RNF144A: variants seen among roughly 807,000 people sequenced by gnomAD.
RNF144A encodes the protein ring finger protein 144A.
Under a neutral mutation model 38.7 loss-of-function variants are expected in RNF144A, and 11 were observed. The observed-to-expected ratio is 0.28, with a 90% CI of 0.18 to 0.47. The LOEUF is 0.47. Among genes scored for constraint, RNF144A ranks in the 20% least tolerant of loss-of-function variants. The probability of loss-of-function intolerance (pLI) is 0.99; values close to 1 mark genes in which losing one functional copy is unlikely to be tolerated. For synonymous variants in RNF144A, 149 were observed against 143.9 expected (o/e 1.04, Z -0.25); for missense variants, 316 against 377.2 (o/e 0.84, Z 1.34).
intron 2 of RNF144A, among the ~76,000 whole-genome samples, chr2:6,973,851 C>T (rs1291569439): frequency 7.2e-5 from 11 of 152,342 alleles, no homozygotes; most frequent in Admixed American, 4.6e-4. Context: ...CTGGCTGCTT[C>T]GTGCTCCAGC....
chr2:6,953,757 A>G (rs780285659), intron 2 of RNF144A, among the ~76,000 whole-genome samples: 1 of 152,176 alleles, frequency 6.6e-6, no homozygotes, highest in African/African-American at 2.4e-5. Context: ...AATCTATTAC[A>G]TCAAGATTGT....
chr2:6,991,751 GTC>G (rs998957554), intron 2 of RNF144A, among the ~76,000 whole-genome samples: 11 of 151,846 alleles, frequency 7.2e-5, no homozygotes, highest in Non-Finnish European at 1.5e-4. Context: ...ACATTTAACA[GTC>G]TCTCTCTCTC....
chr2:6,973,836 C>T (rs1052027671), intron 2 of RNF144A, among the ~76,000 whole-genome samples: 8 of 152,228 alleles, frequency 5.3e-5, no homozygotes, highest in African/African-American at 1.9e-4. Context: ...GCTTACGTGC[C>T]GTCTCTGGCT....
At chr2:7,060,872 C>T (rs1010897817) in intron 6 of RNF144A, among the ~76,000 whole-genome samples, 1 of 152,134 alleles carries the variant, frequency 6.6e-6, no homozygotes, top group Non-Finnish European at 1.5e-5. Flanking sequence ...ATCAGCATGC[C>T]GGCACTTGTG....
At chr2:7,034,914 G>A (rs980178703) in intron 8 of RNF144A, among the ~76,000 whole-genome samples, 1 of 152,174 alleles carries the variant, frequency 6.6e-6, no homozygotes, top group Non-Finnish European at 1.5e-5. Context: ...GCCTTGGAGA[G>A]GGTGTGGTGT....
At position 7,034,251 on chromosome 2, in the gene RNF144A, G is replaced by A. The variant is rs893040011; in HGVS notation, c.747+4036G>A. The stretch of plus-strand genomic sequence containing the variant: ...CGTGCCACTGCACTCCAGCCTGGGC[G>A]ACAGAGCAAGACTCTGTCTCAAAAA... On this transcript the variant is annotated intron_variant, in intron 8 of 8. Coordinates refer to ENST00000320892, the MANE Select transcript of RNF144A (RefSeq NM_014746.6). 2.0e-5 allele frequency among the ~76,000 whole-genome samples: 3 copies of A among 150,936 alleles called. No homozygotes were observed. In the East Asian group the frequency reaches 5.8e-4, roughly 29 times the overall value.
chr2:6,970,267 C>T (rs2103345418), intron 2 of RNF144A, among the ~76,000 whole-genome samples: 1 of 152,272 alleles, frequency 6.6e-6, no homozygotes, highest in South Asian at 2.1e-4. Flanking sequence ...CTTTCCCATG[C>T]TGTTATCGTG....
chr2:6,981,128 C>T (rs1381774595), intron 2 of RNF144A, among the ~76,000 whole-genome samples: 1 of 152,178 alleles, frequency 6.6e-6, no homozygotes, highest in African/African-American at 2.4e-5. Flanking sequence ...TTTCCTTCTA[C>T]ACCTCCAGGC....
At chr2:7,036,055 G>A (rs757684470) in intron 8 of RNF144A, among the ~76,000 whole-genome samples, 13 of 152,222 alleles carry the variant, frequency 8.5e-5, no homozygotes, top group Non-Finnish European at 1.8e-4. Context: ...GCGGTTGCTG[G>A]AGTGAGTGTG....
intron 6 of RNF144A, among the ~76,000 whole-genome samples, chr2:7,067,511 G>C (rs1463707256): frequency 6.6e-6 from 1 of 152,058 alleles, no homozygotes. Context: ...TGCCCTCTGG[G>C]CTCAGAAACT....
chr2:7,001,493 A>G (rs1464219269), intron 3 of RNF144A, among the ~76,000 whole-genome samples: 4 of 152,090 alleles, frequency 2.6e-5, no homozygotes, highest in Non-Finnish European at 5.9e-5. Flanking sequence ...CCTGGGCAAC[A>G]TAGTGAGACC....
intron 1 of RNF144A, among the ~76,000 whole-genome samples, chr2:6,934,404 A>G (rs1439948232): frequency 6.6e-6 from 1 of 152,130 alleles, no homozygotes; most frequent in Admixed American, 6.5e-5. Flanking sequence ...TCTTCATTAC[A>G]TGTAATGAGA....
At chr2:6,997,694 C>T (rs1669843734) in intron 3 of RNF144A, among the ~76,000 whole-genome samples, 1 of 152,056 alleles carries the variant, frequency 6.6e-6, no homozygotes. Context: ...TAGTTAATCT[C>T]ATTGAATTTT....
At chr2:6,932,278 C>T (rs985052301) in intron 1 of RNF144A, among the ~76,000 whole-genome samples, 5 of 152,070 alleles carry the variant, frequency 3.3e-5, no homozygotes, top group African/African-American at 1.2e-4. Flanking sequence ...TTTTTCCATC[C>T]CTTTATTTTT....
chr2:7,072,386 G>A (rs966203490), downstream of RNF144A, among the ~76,000 whole-genome samples: 2 of 152,218 alleles, frequency 1.3e-5, no homozygotes, highest in Non-Finnish European at 2.9e-5. Context: ...GGAAGGTATG[G>A]CCTGGTTTCT....
intron 2 of RNF144A, among the ~76,000 whole-genome samples, chr2:6,945,244 G>A (rs1037302867): frequency 6.6e-6 from 1 of 152,186 alleles, no homozygotes; most frequent in Non-Finnish European, 1.5e-5. Context: ...AGTTCCTCCT[G>A]GTTTCAGAGT....
In RNF144A at chr2:6,929,099, A is replaced by T. The variant is rs1473895461; in HGVS notation, c.-212+11477A>T. Among the ~76,000 whole-genome samples, 3 of 152,240 alleles carry T rather than the reference A, an allele frequency of 2.0e-5. No individual in the cohort carries two copies. The East Asian group carries it at 5.8e-4, about 29-fold the overall frequency. Reference sequence around the variant, plus strand: ...TATTAGCTCTAGAGTATTAAAAAAAATAACAGAATTGATGTTAACACATAT... The same window carrying T: ...TATTAGCTCTAGAGTATTAAAAAAATTAACAGAATTGATGTTAACACATAT... On this transcript the variant is annotated intron_variant, in intron 1 of 8. Transcript: ENST00000320892.
chr2:7,006,103 C>T (rs1000458623), intron 3 of RNF144A, among the ~76,000 whole-genome samples: 1 of 151,704 alleles, frequency 6.6e-6, no homozygotes, highest in Non-Finnish European at 1.5e-5. Context: ...GTCTAAAGCC[C>T]GGATCCCAAC....
chr2:6,934,943 A>G (rs1665471373), intron 1 of RNF144A, among the ~76,000 whole-genome samples: 1 of 152,076 alleles, frequency 6.6e-6, no homozygotes, highest in Non-Finnish European at 1.5e-5. Context: ...TGACTGTCAC[A>G]TGGTCATCAC....
Sources: gnomAD v4.1 joint callset for allele counts (sites outside exome capture counted in the v4.1 genomes callset) on GRCh38, gnomAD v4.1.1 for gene constraint, MANE v1.5 for transcripts, NCBI Gene and HGNC (gene_info 2026-07-23, HGNC 2026-07-21) for gene names.